The following CNTNAP2 variants were observed in gnomAD, a reference collection of about 807,000 sequenced individuals.
The protein encoded by CNTNAP2 is contactin associated protein 2, also known as contactin-associated protein-like 2.
In CNTNAP2, 98 loss-of-function variants were observed where a neutral mutation model predicts 155.2. The observed-to-expected ratio is 0.63, with a 90% CI of 0.54 to 0.75. The LOEUF (loss-of-function observed/expected upper bound fraction) is 0.75, where lower values mean the gene tolerates loss of function less well. Ranked by LOEUF, CNTNAP2 falls within the 30% of genes least tolerant of loss-of-function variation. CNTNAP2 has a pLI of 0.00. For missense variants in CNTNAP2, 1,727 were observed against 1,688.1 expected, an observed-to-expected ratio of 1.02 and a Z score of -0.40; for synonymous variants, 651 against 631.2, an observed-to-expected ratio of 1.03 and a Z score of -0.47.
intron 1 of CNTNAP2, among the ~76,000 whole-genome samples, chr7:146,597,331 A>G (rs1171123039): frequency 6.6e-6 from 1 of 152,026 alleles, no homozygotes; most frequent in Non-Finnish European, 1.5e-5. Context: ...ACCTCTGGTC[A>G]CGTATCCACA....
intron 15 of CNTNAP2, among the ~76,000 whole-genome samples, chr7:147,988,181 T>C (rs1036350164): frequency 6.6e-6 from 1 of 152,214 alleles, no homozygotes. Context: ...CTGAGACTGA[T>C]AGAAATGGAA....
chr7:147,102,237 A>G (rs1301874882), intron 4 of CNTNAP2, among the ~76,000 whole-genome samples: 1 of 149,202 alleles, frequency 6.7e-6, no homozygotes, highest in Non-Finnish European at 1.5e-5. Context: ...ACAAAGCTCT[A>G]TATTTCACAG....
chr7:146,207,588 G>T (rs1256651424), intron 1 of CNTNAP2, among the ~76,000 whole-genome samples: 1 of 145,762 alleles, frequency 6.9e-6, no homozygotes, highest in Non-Finnish European at 1.5e-5. Flanking sequence ...TTAGACAACA[G>T]AAATTTTTTT....
intron 1 of CNTNAP2, among the ~76,000 whole-genome samples, chr7:146,473,171 C>A (rs1796824840): frequency 6.6e-6 from 1 of 151,922 alleles, no homozygotes; most frequent in African/African-American, 2.4e-5. Flanking sequence ...GGAAAAATTT[C>A]TCTGGCAGGG....
At chr7:146,665,441 T>C (rs1323168769) in intron 1 of CNTNAP2, among the ~76,000 whole-genome samples, 1 of 136,852 alleles carries the variant, frequency 7.3e-6, no homozygotes, top group Non-Finnish European at 1.6e-5. Flanking sequence ...TTTAGAAGTC[T>C]GTTCTGTAAT....
At chr7:148,151,988 G>A (rs570370082) in intron 17 of CNTNAP2, among the ~76,000 whole-genome samples, 1 of 152,098 alleles carries the variant, frequency 6.6e-6, no homozygotes, top group Non-Finnish European at 1.5e-5. Context: ...CTCCACCTAG[G>A]TTCCGGAAGG....
At chr7:146,859,609 A>T (rs1196449516) in intron 3 of CNTNAP2, among the ~76,000 whole-genome samples, 2 of 152,024 alleles carry the variant, frequency 1.3e-5, no homozygotes, top group East Asian at 3.9e-4. Context: ...GTGGGCCAAG[A>T]TCGCACACCG....
intron 1 of CNTNAP2, among the ~76,000 whole-genome samples, chr7:146,132,408 A>G (rs1344514355): frequency 2.0e-5 from 3 of 151,974 alleles, no homozygotes; most frequent in Non-Finnish European, 2.9e-5. Flanking sequence ...TTATTTATTT[A>G]TTTGTTTATT....
At chr7:147,164,661 C>A (rs1312773547) in intron 8 of CNTNAP2, among the ~76,000 whole-genome samples, 1 of 152,114 alleles carries the variant, frequency 6.6e-6, no homozygotes. Context: ...AAATATTAGA[C>A]TGTGGAAGTC....
chr7:147,443,191 ACTGAC>A (rs1417220703), intron 10 of CNTNAP2, among the ~76,000 whole-genome samples: 3 of 152,180 alleles, frequency 2.0e-5, no homozygotes, highest in African/African-American at 4.8e-5. Context: ...GAACTCAAGC[ACTGAC>A]CACTGGGATC....
chr7:147,806,998 G>C (rs1798101203), intron 13 of CNTNAP2, among the ~76,000 whole-genome samples: 1 of 151,994 alleles, frequency 6.6e-6, no homozygotes, highest in South Asian at 2.1e-4. Context: ...TTGAAGAGTG[G>C]GATTGAAATG....
intron 13 of CNTNAP2, among the ~76,000 whole-genome samples, chr7:147,859,615 TG>T (rs562824229): frequency 1.8e-3 from 278 of 152,334 alleles, no homozygotes; most frequent in Non-Finnish European, 3.1e-3. Context: ...GATATTATCT[TG>T]CTATCACTCT....
intron 12 of CNTNAP2, among the ~76,000 whole-genome samples, chr7:147,594,297 T>C (rs1296557376): frequency 3.9e-5 from 6 of 151,994 alleles, no homozygotes; most frequent in Non-Finnish European, 8.8e-5. Flanking sequence ...AGCTACCCTC[T>C]GGTATCTTGG....
At chr7:147,019,503 G>T (rs1373230924) in intron 3 of CNTNAP2, among the ~76,000 whole-genome samples, 1 of 151,998 alleles carries the variant, frequency 6.6e-6, no homozygotes, top group Admixed American at 6.6e-5. Flanking sequence ...TTCCTAGAAG[G>T]GCTTCCTTTA....
intron 12 of CNTNAP2, among the ~76,000 whole-genome samples, chr7:147,634,015 G>C (rs1795134647): frequency 6.6e-6 from 1 of 152,150 alleles, no homozygotes; most frequent in African/African-American, 2.4e-5. Flanking sequence ...GGGAATATAA[G>C]CTAGTACAAG....
At chr7:146,976,310 A>T (rs1214254947) in intron 3 of CNTNAP2, among the ~76,000 whole-genome samples, 1 of 152,144 alleles carries the variant, frequency 6.6e-6, no homozygotes, top group Non-Finnish European at 1.5e-5. Context: ...GCCCAGTTGC[A>T]TTCTGACCCT....
At chr7:147,202,610 C>T (rs1227685296) in intron 8 of CNTNAP2, among the ~76,000 whole-genome samples, 3 of 151,982 alleles carry the variant, frequency 2.0e-5, no homozygotes, top group Non-Finnish European at 4.4e-5. Flanking sequence ...CCATGGAATA[C>T]AGCCATAAAA....
At chr7:147,000,065 T>A (rs140209892) in intron 3 of CNTNAP2, among the ~76,000 whole-genome samples, 818 of 152,082 alleles carry the variant, frequency 5.4e-3, no homozygotes, top group Middle Eastern at 0.024. Flanking sequence ...TTCTTTATTT[T>A]TATTTCCTTT....
At chr7:147,583,856 A>G (rs750680139) in intron 12 of CNTNAP2, among the ~76,000 whole-genome samples, 2 of 152,112 alleles carry the variant, frequency 1.3e-5, no homozygotes. Context: ...CATGTGTCTT[A>G]CTATCGGTAG....
Sources: gnomAD v4.1 joint callset for allele counts (sites outside exome capture counted in the v4.1 genomes callset) on GRCh38, gnomAD v4.1.1 for gene constraint, MANE v1.5 for transcripts, NCBI Gene and HGNC (gene_info 2026-07-23, HGNC 2026-07-21) for gene names.